The following CDH13 variants were observed in gnomAD, a reference collection of about 807,000 sequenced individuals.
The protein encoded by CDH13 is cadherin-13.
Under a neutral mutation model 63.8 loss-of-function variants are expected in CDH13, and 24 were observed. That is an observed-to-expected ratio of 0.38 (90% CI 0.27 to 0.53). CDH13 has a LOEUF of 0.53. Ranked by LOEUF, CDH13 falls within the 20% of genes least tolerant of loss-of-function variation. The pLI, the probability that CDH13 is intolerant of heterozygous loss-of-function variation, is 0.85. For missense variants in CDH13, 1,049 were observed against 903.1 expected, an observed-to-expected ratio of 1.16 and a Z score of -2.07; for synonymous variants, 503 against 355.3, an observed-to-expected ratio of 1.42 and a Z score of -4.67.
chr16:83,145,280 T>C (rs531099646), intron 4 of CDH13, among the ~76,000 whole-genome samples: 171 of 152,290 alleles, frequency 1.1e-3, no homozygotes, highest in Non-Finnish European at 2.1e-3. Flanking sequence ...CTGCTGATCA[T>C]TGAGGCTTGG....
chr16:83,562,741 C>T (rs1054878952), intron 7 of CDH13, among the ~76,000 whole-genome samples: 3 of 152,168 alleles, frequency 2.0e-5, no homozygotes, highest in Admixed American at 2.0e-4. Context: ...ATACTTAGAA[C>T]AAAAGTCGTC....
At chr16:82,668,257 G>T (rs1912839391) in intron 1 of CDH13, among the ~76,000 whole-genome samples, 1 of 152,116 alleles carries the variant, frequency 6.6e-6, no homozygotes, top group African/African-American at 2.4e-5. Flanking sequence ...CTGATCACAA[G>T]GTGAGCAATG....
intron 5 of CDH13, among the ~76,000 whole-genome samples, chr16:83,295,398 T>G (rs960823634): frequency 2.0e-5 from 3 of 152,016 alleles, no homozygotes; most frequent in Non-Finnish European, 2.9e-5. Context: ...AAAAAACTTC[T>G]GCACAGCAAA....
At chr16:83,300,224 A>C (rs2089701033) in intron 5 of CDH13, among the ~76,000 whole-genome samples, 3 of 152,256 alleles carry the variant, frequency 2.0e-5, no homozygotes, top group South Asian at 2.1e-4. Context: ...TGACCAGAAA[A>C]GGTCAACTTA....
chr16:83,008,428 G>C (rs1443525744), intron 2 of CDH13, among the ~76,000 whole-genome samples: 1 of 152,214 alleles, frequency 6.6e-6, no homozygotes, highest in Admixed American at 6.5e-5. Flanking sequence ...CTGAGGCGGA[G>C]AATGCCTGGG....
At position 83,217,459 on chromosome 16, in the gene CDH13, A is replaced by T. The variant is rs1182945648; in HGVS notation, c.598A>T (p.Thr200Ser). The T allele has an allele frequency of 6.2e-7, 1 of 1,613,920 alleles. No individual in the cohort carries two copies. Among genetic ancestry groups the T allele is most frequent in the Admixed American group, 1.7e-5 (1 of 60,024 alleles). ...TGAGAACACAGGGAGCGTCTCCGTG[A>T]CACGGACCTTGGACAGAGAAGTAAT... ...INENTGSVSV[T>S]RTLDREVIAV... The change falls in exon 5 of 14, where the codon ACA becomes TCA. Residue 200 changes from threonine to serine, a missense_variant. Physicochemically the swap from Thr to Ser is moderately conservative, Grantham distance 58 (BLOSUM62 1). Coordinates refer to ENST00000567109, the MANE Select transcript of CDH13 (RefSeq NM_001257.5).
chr16:83,338,723 G>A (rs1481877102), intron 5 of CDH13, among the ~76,000 whole-genome samples: 1 of 152,190 alleles, frequency 6.6e-6, no homozygotes, highest in Non-Finnish European at 1.5e-5. Context: ...GAAACCCATG[G>A]TTGGTAGGAG....
At chr16:83,732,318 C>G (rs1567558848) in intron 10 of CDH13, among the ~76,000 whole-genome samples, 1 of 152,056 alleles carries the variant, frequency 6.6e-6, no homozygotes, top group Non-Finnish European at 1.5e-5. Context: ...TGATAATGAA[C>G]CAGCCAAGGG....
intron 1 of CDH13, among the ~76,000 whole-genome samples, chr16:82,762,885 G>A (rs1352605188): frequency 6.6e-6 from 1 of 152,168 alleles, no homozygotes; most frequent in Non-Finnish European, 1.5e-5. Context: ...AGCCATTATT[G>A]TGGAGTCCTT....
intron 6 of CDH13, among the ~76,000 whole-genome samples, chr16:83,453,534 T>G (rs1331403667): frequency 6.6e-6 from 1 of 152,140 alleles, no homozygotes; most frequent in Non-Finnish European, 1.5e-5. Flanking sequence ...CATAGTTGCC[T>G]TAGTTATTAT....
intron 1 of CDH13, among the ~76,000 whole-genome samples, chr16:82,630,999 C>T (rs1004108749): frequency 6.6e-6 from 1 of 152,194 alleles, no homozygotes; most frequent in African/African-American, 2.4e-5. Flanking sequence ...TCTCCTTATT[C>T]CACATTAATT....
intron 2 of CDH13, among the ~76,000 whole-genome samples, chr16:82,959,791 T>A (rs1906692557): frequency 6.6e-6 from 1 of 152,204 alleles, no homozygotes; most frequent in Non-Finnish European, 1.5e-5. Context: ...GTTGTTGTTG[T>A]TTTTAACCCT....
At chr16:82,766,633 A>G (rs889493945) in intron 1 of CDH13, among the ~76,000 whole-genome samples, 1 of 152,206 alleles carries the variant, frequency 6.6e-6, no homozygotes, top group Non-Finnish European at 1.5e-5. Flanking sequence ...TGGTCACTCT[A>G]TCATAATAAT....
chr16:82,852,585 C>T (rs1288389853), intron 1 of CDH13, among the ~76,000 whole-genome samples: 1 of 152,188 alleles, frequency 6.6e-6, no homozygotes, highest in East Asian at 1.9e-4. Context: ...GGAGCAGCAG[C>T]ACCATGTCCT....
chr16:82,950,386 G>GGGTGTAGCTCCCAT, intron 2 of CDH13, among the ~76,000 whole-genome samples: 1 of 152,140 alleles, frequency 6.6e-6, no homozygotes, highest in Non-Finnish European at 1.5e-5. Context: ...ATCTCATCTT[G>GGGTGTAGCTCCCAT]AATTGTAGCT....
At chr16:83,408,371 C>T (rs762815271) in intron 6 of CDH13, among the ~76,000 whole-genome samples, 4 of 152,186 alleles carry the variant, frequency 2.6e-5, no homozygotes, top group Non-Finnish European at 5.9e-5. Context: ...GTGCAAACAT[C>T]ATATAGTGCA....
At chr16:83,607,649 C>T (rs1380596987) in intron 8 of CDH13, among the ~76,000 whole-genome samples, 1 of 152,152 alleles carries the variant, frequency 6.6e-6, no homozygotes, top group Non-Finnish European at 1.5e-5. Flanking sequence ...GCCGCTGATA[C>T]ATGAAATCAA....
chr16:83,504,428 G>A (rs1361848587), intron 7 of CDH13, among the ~76,000 whole-genome samples: 2 of 152,238 alleles, frequency 1.3e-5, no homozygotes, highest in Admixed American at 1.3e-4. Flanking sequence ...AGCACAAAGG[G>A]TTAATGCCAC....
At chr16:83,738,484 G>A (rs1045629088) in intron 10 of CDH13, among the ~76,000 whole-genome samples, 1 of 152,274 alleles carries the variant, frequency 6.6e-6, no homozygotes, top group East Asian at 1.9e-4. Context: ...TTAACACAGA[G>A]GACCAAACTA....
Sources: allele counts gnomAD v4.1 joint callset (sites outside exome capture counted in the v4.1 genomes callset), GRCh38; gene constraint gnomAD v4.1.1; transcripts MANE v1.5; gene names NCBI Gene and HGNC (gene_info 2026-07-23, HGNC 2026-07-21).